The following BCAS4 variants were observed in gnomAD, a reference collection of about 807,000 sequenced individuals.
BCAS4 encodes the protein breast carcinoma amplified sequence 4.
Under a neutral mutation model 15.7 loss-of-function variants are expected in BCAS4, and 9 were observed. That is an observed-to-expected ratio of 0.57 (90% CI 0.34 to 1.00). The LOEUF (loss-of-function observed/expected upper bound fraction) is 1.00, where lower values mean the gene tolerates loss of function less well. BCAS4 is among the 50% of genes least tolerant of loss of function. The pLI is 0.02. For missense variants in BCAS4, 225 were observed against 239.1 expected, an observed-to-expected ratio of 0.94 and a Z score of 0.39; for synonymous variants, 101 against 99.5, an observed-to-expected ratio of 1.02 and a Z score of -0.09.
chr20:50,801,092 G>A (rs1008692352), intron 1 of BCAS4, among the ~76,000 whole-genome samples: 1 of 152,062 alleles, frequency 6.6e-6, no homozygotes, highest in Non-Finnish European at 1.5e-5. Context: ...TGACCTGCTG[G>A]TCCCCTTTGG....
At chr20:50,871,416 A>C (rs1259033945) in intron 4 of BCAS4, among the ~76,000 whole-genome samples, 32 of 152,198 alleles carry the variant, frequency 2.1e-4, no homozygotes, top group Admixed American at 2.1e-3. Flanking sequence ...CCCTGCGGGC[A>C]TCTGGTTGTT....
At chr20:50,807,750 G>A (rs1334213291) in intron 1 of BCAS4, among the ~76,000 whole-genome samples, 1 of 152,158 alleles carries the variant, frequency 6.6e-6, no homozygotes, top group Non-Finnish European at 1.5e-5. Flanking sequence ...TTACGAGTGA[G>A]AACATACGAT....
upstream of BCAS4, chr20:50,795,042 C>T (rs754190374): frequency 2.1e-6 from 3 of 1,460,584 alleles, 1 homozygote; most frequent in East Asian, 8.8e-5. Context: ...CAACCACGGG[C>T]TCCCAGGCAG....
At chr20:50,865,160 G>A (rs1029512131) in intron 4 of BCAS4, among the ~76,000 whole-genome samples, 1 of 152,166 alleles carries the variant, frequency 6.6e-6, no homozygotes, top group Non-Finnish European at 1.5e-5. Flanking sequence ...CTTACAGTCA[G>A]TGGCCATGTG....
chr20:50,863,947 G>GCC, intron 4 of BCAS4, among the ~76,000 whole-genome samples: 1 of 152,198 alleles, frequency 6.6e-6, no homozygotes, highest in East Asian at 1.9e-4. Flanking sequence ...CTGCTCATGT[G>GCC]CCCCCCCAAA....
intron 4 of BCAS4, among the ~76,000 whole-genome samples, chr20:50,873,552 TAAAA>T (rs1373577213): frequency 1.3e-5 from 2 of 152,204 alleles, no homozygotes; most frequent in Non-Finnish European, 2.9e-5. Flanking sequence ...AGGCCATCAT[TAAAA>T]AGAAAGAAGG....
intron 2 of BCAS4, among the ~76,000 whole-genome samples, chr20:50,829,776 C>T (rs1156703940): frequency 6.6e-6 from 1 of 151,714 alleles, no homozygotes; most frequent in Non-Finnish European, 1.5e-5. Context: ...AAAATGAAAA[C>T]TAAAGGAGAT....
chr20:50,819,719 C>A (rs1293046016), intron 2 of BCAS4, among the ~76,000 whole-genome samples: 1 of 152,140 alleles, frequency 6.6e-6, no homozygotes, highest in African/African-American at 2.4e-5. Flanking sequence ...ACAAGACAGG[C>A]TTTTAACAGC....
chr20:50,826,684 C>G (rs1414150909), intron 2 of BCAS4, among the ~76,000 whole-genome samples: 1 of 152,068 alleles, frequency 6.6e-6, no homozygotes. Flanking sequence ...TTTGTCAGTA[C>G]TAAGGGGCCA....
chr20:50,874,473 G>A (rs184552264), intron 4 of BCAS4, among the ~76,000 whole-genome samples: 2 of 152,340 alleles, frequency 1.3e-5, no homozygotes, highest in East Asian at 1.9e-4. Context: ...CCAGGCCTTT[G>A]TGCCTGTCCT....
rs989080664 is a variant in BCAS4, at chr20:50,876,716, T to TA, written c.*115dup. ...GTTTATTTTATATTTTAAAAATATT[T>TA]AAAAAAATGTCGAGATGGGGTCTCA... On this transcript the variant is annotated 3_prime_UTR_variant, in exon 5 of 5. Coordinates refer to ENST00000371608, the MANE Select transcript of BCAS4 (RefSeq NM_198799.4). The TA allele has an allele frequency of 4.1e-5, 54 of 1,317,976 alleles. No individual in the cohort carries two copies. In the South Asian group the frequency reaches 4.2e-4, roughly 10 times the overall value. 81.6% of individuals were successfully genotyped at this position (1,317,976 alleles called of 1,614,324 possible).
intron 2 of BCAS4, among the ~76,000 whole-genome samples, chr20:50,826,101 A>G (rs1430664620): frequency 2.6e-5 from 4 of 152,120 alleles, no homozygotes; most frequent in Non-Finnish European, 5.9e-5. Context: ...GATACGATTC[A>G]AGTTTGTTCC....
chr20:50,845,620 G>C (rs866669852), intron 4 of BCAS4, among the ~76,000 whole-genome samples: 1 of 152,182 alleles, frequency 6.6e-6, no homozygotes, highest in Non-Finnish European at 1.5e-5. Context: ...GCCCCCCTGA[G>C]GCAGGTGTTT....
At chr20:50,879,169 G>A (rs892931436), downstream of BCAS4, 3 of 152,116 alleles carry the variant, frequency 2.0e-5, no homozygotes, top group Non-Finnish European at 2.9e-5. Flanking sequence ...TGTTTTTATC[G>A]AAGGGAGCTT....
At chr20:50,808,603 C>T (rs1487812519) in intron 1 of BCAS4, among the ~76,000 whole-genome samples, 4 of 152,146 alleles carry the variant, frequency 2.6e-5, no homozygotes. Context: ...TTTCCTTGAT[C>T]ATTAGTGATG....
intron 1 of BCAS4, among the ~76,000 whole-genome samples, chr20:50,803,814 A>AAT (rs2087957256): frequency 6.6e-6 from 1 of 151,756 alleles, no homozygotes; most frequent in African/African-American, 2.4e-5. Context: ...AAAAAAAAAA[A>AAT]AAAAAAGAGA....
chr20:50,816,021 C>A (rs79191889), intron 1 of BCAS4, among the ~76,000 whole-genome samples: 4,021 of 152,200 alleles, frequency 0.026, 72 homozygotes, highest in Middle Eastern at 0.13. Flanking sequence ...GGAAAAAAAA[C>A]CTAATTTTTC....
At chr20:50,850,507 C>T (rs1041485680) in intron 4 of BCAS4, among the ~76,000 whole-genome samples, 3 of 152,152 alleles carry the variant, frequency 2.0e-5, no homozygotes, top group African/African-American at 4.8e-5. Flanking sequence ...CTTCGGCCAG[C>T]GTGGTATATG....
intron 4 of BCAS4, 142 bp from the exon 5 acceptor site, chr20:50,876,344 C>A: frequency 8.5e-7 from 1 of 1,175,126 alleles, no homozygotes; most frequent in Non-Finnish European, 1.2e-6. Context: ...CTTTGGCTGT[C>A]ACAGGCAGTG....
Sources: allele counts gnomAD v4.1 joint callset (sites outside exome capture counted in the v4.1 genomes callset), GRCh38; gene constraint gnomAD v4.1.1; transcripts MANE v1.5; gene names NCBI Gene and HGNC (gene_info 2026-07-23, HGNC 2026-07-21).